The following YTHDC1 variants were observed in gnomAD, a reference collection of about 807,000 sequenced individuals.
YTHDC1 encodes the protein YTH domain-containing protein 1.
YTHDC1 carries 12 observed loss-of-function variants against 107.0 expected under a neutral mutation model. The ratio of observed to expected loss-of-function variants is 0.11; its 90% CI spans 0.07 to 0.18. The LOEUF is 0.18. YTHDC1 is among the 10% of genes least tolerant of loss of function. YTHDC1 has a pLI of 1.00. For synonymous variants in YTHDC1, 280 were observed against 289.5 expected (o/e 0.97, Z 0.33); for missense variants, 635 against 898.8 (o/e 0.71, Z 3.75).
At chr4:68,345,251 C>T (rs1049774622) in intron 1 of YTHDC1, among the ~76,000 whole-genome samples, 1 of 152,022 alleles carries the variant, frequency 6.6e-6, no homozygotes, top group African/African-American at 2.4e-5. Flanking sequence ...TTATCTGGGA[C>T]AGTCATTTTT....
chr4:68,344,320 C>G (rs546728570), intron 1 of YTHDC1, among the ~76,000 whole-genome samples: 29 of 61,958 alleles, frequency 4.7e-4, no homozygotes, highest in African/African-American at 1.5e-3. Flanking sequence ...TAACACTGAT[C>G]TTAAACTTGA....
intron 1 of YTHDC1, among the ~76,000 whole-genome samples, chr4:68,345,234 T>C (rs979320045): frequency 3.3e-5 from 5 of 152,104 alleles, no homozygotes; most frequent in Non-Finnish European, 4.4e-5. Flanking sequence ...GGGTAGAAAA[T>C]TAACCTTTAT....
At chr4:68,348,826 T>C (rs868292564) in intron 1 of YTHDC1, among the ~76,000 whole-genome samples, 1 of 152,352 alleles carries the variant, frequency 6.6e-6, no homozygotes, top group African/African-American at 2.4e-5. Context: ...TTTTTAACTA[T>C]AATCTTTCCA....
chr4:68,330,585 T>C (rs963364888), intron 7 of YTHDC1, among the ~76,000 whole-genome samples: 5 of 152,158 alleles, frequency 3.3e-5, no homozygotes, highest in African/African-American at 9.6e-5. Flanking sequence ...TAGAATTCTA[T>C]ATAGTAAAAC....
At chr4:68,333,185 T>C in intron 5 of YTHDC1, 123 bp downstream of exon 5, 1 of 707,040 alleles carries the variant, frequency 1.4e-6, no homozygotes, top group East Asian at 2.6e-5. Flanking sequence ...ATTATTACAC[T>C]GAACATGCCA....
chr4:68,350,048 A>C lies in YTHDC1; in HGVS notation c.-295T>G. ...AGATGGCGACGGCGGGCGGCGCTAAAATGGAGCCTGCTTCCTGCGCGAAAC... is the reference window on the plus strand; with the variant it reads ...AGATGGCGACGGCGGGCGGCGCTAACATGGAGCCTGCTTCCTGCGCGAAAC... On this transcript the variant is annotated 5_prime_UTR_variant, in exon 1 of 17. In the 5' UTR this introduces an upstream ATG that the reference lacks. Coordinates refer to ENST00000344157, the MANE Select transcript of YTHDC1 (RefSeq NM_001031732.4). The C allele has an allele frequency of 1.9e-6, 1 of 523,718 alleles. No homozygotes were observed. The allele number at this position is 523,718 out of a possible 1,614,324, so 32.4% of individuals were successfully genotyped here. A position where few individuals can be genotyped will look rare whatever the true frequency, so the allele number is the denominator to read the frequency against.
chr4:68,318,740 T>C lies in YTHDC1; in HGVS notation c.1722-11A>G, dbSNP rs1468495757. 1 of 1,614,014 alleles carries C rather than the reference T, an allele frequency of 6.2e-7. No individual in the cohort carries two copies. The highest frequency in any genetic ancestry group is 1.1e-5 in the South Asian group (1 of 91,092). On this transcript the variant is annotated splice_polypyrimidine_tract_variant and intron_variant, in intron 13 of 16. Transcript: ENST00000344157. ...ACTCCTGAAAATCGTCTGTTGGGAA[T>C]AAGATTTGTGAAACTAAATTCAGGT...
chr4:68,349,733 C>A lies in YTHDC1; in HGVS notation c.21G>T (p.Glu7Asp). The change falls in exon 1 of 17, where the codon GAG becomes GAT. Residue 7 changes from glutamate to aspartate, a missense_variant. Around this residue, in one of 5 missense-constraint regions of YTHDC1, gnomAD observed 21 missense variants for 21.4 expected, o/e 0.98. Transcript: ENST00000344157. MAADSR[E>D]EKDGELNVLD... ...ATCTTTCTCCGCACTAACCTTTCTC[C>A]TCCCGACTGTCAGCCGCCATGGCTC... The A allele has an allele frequency of 1.2e-6, 2 of 1,613,446 alleles. No homozygotes were observed. The highest frequency in any genetic ancestry group is 1.7e-6 in the Non-Finnish European group (2 of 1,179,776).
chr4:68,347,747 TAA>T (rs989923142), intron 1 of YTHDC1, among the ~76,000 whole-genome samples: 6 of 152,260 alleles, frequency 3.9e-5, no homozygotes, highest in Middle Eastern at 3.4e-3. Flanking sequence ...ATAAAGCGCT[TAA>T]GAGTCCCACT....
chr4:68,328,590 A>G (rs563580514), intron 9 of YTHDC1, among the ~76,000 whole-genome samples: 10 of 152,354 alleles, frequency 6.6e-5, no homozygotes, highest in African/African-American at 2.4e-4. Context: ...TTTAAGAGAC[A>G]AACTATAATT....
chr4:68,342,860 T>C (rs1449633877), intron 1 of YTHDC1, among the ~76,000 whole-genome samples: 4 of 151,840 alleles, frequency 2.6e-5, no homozygotes, highest in Non-Finnish European at 4.4e-5. Flanking sequence ...TTATCTCTTT[T>C]AGATATAAAG....
Position 68,313,862 on chromosome 4 carries a change from C to A in YTHDC1, c.*237G>T. On this transcript the variant is annotated 3_prime_UTR_variant, in exon 17 of 17. Coordinates refer to ENST00000344157, the MANE Select transcript of YTHDC1 (RefSeq NM_001031732.4). ...CAGTATCTACATTCTTGGACTGTTC[C>A]ATTCTGCCCCAATAAAAGTGTCAAT... is the stretch of plus-strand genomic sequence containing the variant. The A allele has an allele frequency of 1.7e-6, 1 of 572,856 alleles. No individual in the cohort carries two copies. Among genetic ancestry groups the A allele is most frequent in the Non-Finnish European group, 3.1e-6 (1 of 323,506 alleles). The allele number at this position is 572,856 out of a possible 1,614,324, so 35.5% of individuals were successfully genotyped here. A position where few individuals can be genotyped will look rare whatever the true frequency, so the allele number is the denominator to read the frequency against.
rs114989288 is a variant in YTHDC1, at chr4:68,316,083, C to T, written c.1959+231G>A. 534 of 365,462 alleles carry T rather than the reference C, an allele frequency of 1.5e-3. 2 individuals carry two copies. Among genetic ancestry groups the T allele is most frequent in the African/African-American group, 0.01 (494 of 47,888 alleles). The allele number at this position is 365,462 out of a possible 1,614,324, so 22.6% of individuals were successfully genotyped here. On this transcript the variant is annotated intron_variant, in intron 16 of 16. Coordinates refer to ENST00000344157, the MANE Select transcript of YTHDC1 (RefSeq NM_001031732.4). The stretch of plus-strand genomic sequence containing the variant: ...ACCTAAAAGGAGTTCTATTTGTAGG[C>T]GTTTGCCTTAAGCAGTTTGTGATTT...
intron 5 of YTHDC1, 60 bp downstream of exon 5, chr4:68,333,248 A>G: frequency 7.4e-7 from 1 of 1,344,508 alleles, no homozygotes; most frequent in African/African-American, 1.5e-5. Context: ...CAGCCTCCAC[A>G]CGCTTTCTAA....
At chr4:68,316,213 T>C in intron 16 of YTHDC1, 101 bp downstream of exon 16, 1 of 1,316,278 alleles carries the variant, frequency 7.6e-7, no homozygotes, top group Admixed American at 2.4e-5. Context: ...AGTAAGAATA[T>C]GCAATGGTCC....
chr4:68,315,516 T>C (rs977992999), intron 16 of YTHDC1, among the ~76,000 whole-genome samples: 4 of 151,978 alleles, frequency 2.6e-5, no homozygotes, highest in Admixed American at 2.6e-4. Flanking sequence ...CTACTTAGTT[T>C]AACAACAAAA....
At chr4:68,335,802 T>A (rs1454632089) in intron 4 of YTHDC1, among the ~76,000 whole-genome samples, 3 of 151,660 alleles carry the variant, frequency 2.0e-5, no homozygotes, top group Non-Finnish European at 2.9e-5. Flanking sequence ...AGATTTCATA[T>A]GTTTTTACAA....
At chr4:68,330,178 T>C in intron 8 of YTHDC1, 24 bp downstream of exon 8, 1 of 1,574,318 alleles carries the variant, frequency 6.4e-7, no homozygotes, top group East Asian at 2.3e-5. Flanking sequence ...TGTTTTTATA[T>C]GTCCAAATTA....
intron 1 of YTHDC1, among the ~76,000 whole-genome samples, chr4:68,340,302 C>A (rs2109735920): frequency 6.6e-6 from 1 of 152,152 alleles, no homozygotes; most frequent in East Asian, 1.9e-4. Flanking sequence ...CTAAAGATAT[C>A]TGAAAATTAC....
Sources: allele counts gnomAD v4.1 joint callset (sites outside exome capture counted in the v4.1 genomes callset), GRCh38; gene constraint gnomAD v4.1.1; regional missense constraint gnomAD v4.1.1; transcripts MANE v1.5; gene names NCBI Gene and HGNC (gene_info 2026-07-23, HGNC 2026-07-21).